ALPK1: variants seen among roughly 807,000 people sequenced by gnomAD.
ALPK1 encodes the protein alpha kinase 1.
ALPK1 carries 110 observed loss-of-function variants against 120.6 expected under a neutral mutation model. That is an observed-to-expected ratio of 0.91 (90% CI 0.78 to 1.07). The LOEUF (loss-of-function observed/expected upper bound fraction) is 1.07. Among genes scored for constraint, ALPK1 ranks in the 50% least tolerant of loss-of-function variants. The pLI is 0.00. For missense variants in ALPK1, 1,498 were observed against 1,483.9 expected (o/e 1.01, Z -0.16); for synonymous variants, 582 against 560.3 (o/e 1.04, Z -0.55).
chr4:112,381,012 A>G (rs1731879430), intron 3 of ALPK1, among the ~76,000 whole-genome samples: 1 of 152,228 alleles, frequency 6.6e-6, no homozygotes, highest in South Asian at 2.1e-4. Flanking sequence ...ATTTGGTCAC[A>G]AGGCACTGGG....
At chr4:112,347,323 A>G (rs1335131814) in intron 2 of ALPK1, among the ~76,000 whole-genome samples, 2 of 152,214 alleles carry the variant, frequency 1.3e-5, no homozygotes, top group Admixed American at 6.5e-5. Context: ...AATCTTAATG[A>G]GTTGCTATTT....
intron 4 of ALPK1, among the ~76,000 whole-genome samples, chr4:112,411,383 C>T (rs1733451237): frequency 6.6e-6 from 1 of 152,164 alleles, no homozygotes; most frequent in Non-Finnish European, 1.5e-5. Flanking sequence ...TGCCACCACA[C>T]CCAGCTAATT....
At chr4:112,356,741 G>T in intron 2 of ALPK1, 1 of 835,160 alleles carries the variant, frequency 1.2e-6, no homozygotes, top group Non-Finnish European at 2.1e-6. Flanking sequence ...AAGCAAGCAC[G>T]GAGTATGCCC....
chr4:112,313,493 C>T (rs1424348971), intron 1 of ALPK1, among the ~76,000 whole-genome samples: 1 of 152,194 alleles, frequency 6.6e-6, no homozygotes, highest in African/African-American at 2.4e-5. Context: ...GAGGCCGGGG[C>T]AGGTGAATCA....
At chr4:112,370,406 G>GA (rs77333750) in intron 2 of ALPK1, among the ~76,000 whole-genome samples, 88 of 146,806 alleles carry the variant, frequency 6.0e-4, no homozygotes, top group Middle Eastern at 3.6e-3. Flanking sequence ...GATTTTTAAG[G>GA]AAAAAAAAAA....
chr4:112,325,641 A>T (rs533884217), intron 2 of ALPK1, among the ~76,000 whole-genome samples: 1 of 152,152 alleles, frequency 6.6e-6, no homozygotes, highest in Non-Finnish European at 1.5e-5. Flanking sequence ...TTGTTATCAC[A>T]CATCTCAACT....
chr4:112,323,226 G>T (rs961486161), intron 2 of ALPK1, among the ~76,000 whole-genome samples: 1 of 152,144 alleles, frequency 6.6e-6, no homozygotes, highest in Non-Finnish European at 1.5e-5. Flanking sequence ...TAAGCAAAGC[G>T]TATCTTAACT....
intron 13 of ALPK1, among the ~76,000 whole-genome samples, chr4:112,439,071 C>A (rs1257998824): frequency 3.3e-5 from 5 of 152,146 alleles, no homozygotes; most frequent in Admixed American, 3.3e-4. Flanking sequence ...ACTAACATAC[C>A]CCTTTCAATA....
intron 2 of ALPK1, among the ~76,000 whole-genome samples, chr4:112,320,563 T>C (rs1002911617): frequency 1.3e-5 from 2 of 152,190 alleles, no homozygotes; most frequent in Non-Finnish European, 2.9e-5. Context: ...CTTTATAGAA[T>C]GATTTAGGGA....
At chr4:112,412,331 G>A (rs1403791616) in intron 5 of ALPK1, 1 of 550,764 alleles carries the variant, frequency 1.8e-6, no homozygotes, top group African/African-American at 1.9e-5. Flanking sequence ...AGGGGTATCT[G>A]AATTGCTATA....
At chr4:112,325,890 T>C (rs1164332919) in intron 2 of ALPK1, among the ~76,000 whole-genome samples, 3 of 152,174 alleles carry the variant, frequency 2.0e-5, no homozygotes, top group African/African-American at 7.2e-5. Flanking sequence ...CTGTCCCTTC[T>C]ACCCTCCCAA....
At chr4:112,399,009 T>G (rs1732790230) in intron 4 of ALPK1, among the ~76,000 whole-genome samples, 1 of 152,222 alleles carries the variant, frequency 6.6e-6, no homozygotes, top group African/African-American at 2.4e-5. Context: ...AGTTCTGCTT[T>G]AAACATGATG....
chr4:112,367,925 G>C (rs555024913), intron 2 of ALPK1, among the ~76,000 whole-genome samples: 1 of 151,528 alleles, frequency 6.6e-6, no homozygotes, highest in Admixed American at 6.6e-5. Context: ...TTTTGGAGAC[G>C]GAGTCTCACT....
At chr4:112,312,737 C>T (rs1728464160) in intron 1 of ALPK1, among the ~76,000 whole-genome samples, 1 of 152,158 alleles carries the variant, frequency 6.6e-6, no homozygotes, top group South Asian at 2.1e-4. Flanking sequence ...AAAAGGAAGT[C>T]ACAGTGAAAG....
intron 5 of ALPK1, among the ~76,000 whole-genome samples, chr4:112,420,289 A>G (rs1733931508): frequency 6.6e-6 from 1 of 152,234 alleles, no homozygotes; most frequent in Non-Finnish European, 1.5e-5. Context: ...TGTTTTGGTG[A>G]TCATTTGCTT....
intron 2 of ALPK1, among the ~76,000 whole-genome samples, chr4:112,353,353 G>A (rs1156257919): frequency 6.6e-6 from 1 of 152,134 alleles, no homozygotes; most frequent in Non-Finnish European, 1.5e-5. Flanking sequence ...ATTACAAACT[G>A]TGTCACTATA....
At chr4:112,326,545 A>AG (rs1729127949) in intron 2 of ALPK1, among the ~76,000 whole-genome samples, 1 of 152,188 alleles carries the variant, frequency 6.6e-6, no homozygotes, top group African/African-American at 2.4e-5. Flanking sequence ...AAAGAAAGGG[A>AG]GGCAGGCTTC....
chr4:112,393,618 T>C (rs192164642), intron 4 of ALPK1, among the ~76,000 whole-genome samples: 14 of 152,324 alleles, frequency 9.2e-5, no homozygotes, highest in Admixed American at 4.6e-4. Context: ...AGAAGAAGGA[T>C]TGTTAAACAG....
At chr4:112,430,381 A>C in intron 10 of ALPK1, 67 bp from the exon 11 acceptor site, 1 of 1,386,844 alleles carries the variant, frequency 7.2e-7, no homozygotes, top group Non-Finnish European at 9.8e-7. Flanking sequence ...CAGAAATGAA[A>C]AGTTTGTCCT....
Sources: gnomAD v4.1 joint callset for allele counts (sites outside exome capture counted in the v4.1 genomes callset) on GRCh38, gnomAD v4.1.1 for gene constraint, MANE v1.5 for transcripts, NCBI Gene and HGNC (gene_info 2026-07-23, HGNC 2026-07-21) for gene names.